The following YWHAQ variants were observed in gnomAD, a reference collection of about 807,000 sequenced individuals.
YWHAQ encodes 14-3-3 protein theta.
A neutral mutation model predicts 28.3 loss-of-function variants in YWHAQ; 6 were observed. The ratio of observed to expected loss-of-function variants is 0.21; its 90% CI spans 0.12 to 0.42. The LOEUF is 0.42. YWHAQ is among the 10% of genes least tolerant of loss of function. The pLI is 1.00. For synonymous variants in YWHAQ, 143 were observed against 119.1 expected (o/e 1.20, Z -1.31); for missense variants, 201 against 305.6 (o/e 0.66, Z 2.55).
chr2:9,585,448 A>G lies in YWHAQ; in HGVS notation c.679-103T>C, dbSNP rs548374954. ...TAACTACAAGAGTAGTAAATTCCTC[A>G]AACAATGGAGATCTTGACTAAGACT... On this transcript the variant is annotated intron_variant, in intron 5 of 5. Transcript: ENST00000238081. 1.3e-5 allele frequency: 17 copies of G among 1,289,752 alleles called. No homozygotes were observed. The East Asian group carries it at 2.9e-4, about 22-fold the overall frequency. 79.9% of individuals were successfully genotyped at this position (1,289,752 alleles called of 1,614,324 possible).
Position 9,623,599 on chromosome 2 carries a change from C to A in YWHAQ, c.294+6560G>T, listed in dbSNP as rs1667187735. Among the ~76,000 whole-genome samples, 8 of 152,062 alleles carry A rather than the reference C, an allele frequency of 5.3e-5. 1 individual carries two copies. In the South Asian group the frequency reaches 1.7e-3, roughly 32 times the overall value. On this transcript the variant is annotated intron_variant, in intron 2 of 5. Coordinates refer to ENST00000238081, the MANE Select transcript of YWHAQ (RefSeq NM_006826.4). Reference sequence around the variant, plus strand: ...GACCAACCTGACCAACACGGAGAAACCTCGTCTCTACTAAAAATACAAAAT... The same window carrying A: ...GACCAACCTGACCAACACGGAGAAAACTCGTCTCTACTAAAAATACAAAAT...
chr2:9,613,325 C>G (rs1048150701), intron 2 of YWHAQ, among the ~76,000 whole-genome samples: 1 of 151,990 alleles, frequency 6.6e-6, no homozygotes, highest in Non-Finnish European at 1.5e-5. Flanking sequence ...GGCATAAAAC[C>G]CAACATTAAC....
chr2:9,594,325 C>A (rs575466904), intron 2 of YWHAQ, among the ~76,000 whole-genome samples: 1 of 152,156 alleles, frequency 6.6e-6, no homozygotes, highest in South Asian at 2.1e-4. Flanking sequence ...TAACTTTTTC[C>A]TCTATTACCA....
In YWHAQ at chr2:9,630,997, T is replaced by C. The variant is rs1439202888; in HGVS notation, c.-139A>G. 1.3e-5 allele frequency: 2 copies of C among 152,756 alleles called. No individual in the cohort carries two copies. The highest frequency in any genetic ancestry group is 2.4e-5 in the African/African-American group (1 of 41,458). 9.5% of individuals were successfully genotyped at this position (152,756 alleles called of 1,614,324 possible). A position where few individuals can be genotyped will look rare whatever the true frequency, so the allele number is the denominator to read the frequency against. On this transcript the variant is annotated 5_prime_UTR_variant, in exon 1 of 6. Transcript: ENST00000238081. The surrounding 1 kb of genome is among the most constrained non-coding windows in gnomAD (Gnocchi z 5.6). ...CACCACTTTGATCTGCTTTTGGCTT[T>C]AGCTGAGGACCCTCCCGTGTCAGCC...
intron 2 of YWHAQ, among the ~76,000 whole-genome samples, chr2:9,627,557 G>C (rs1264746465): frequency 4.6e-5 from 7 of 152,144 alleles, no homozygotes; most frequent in Admixed American, 4.6e-4. Flanking sequence ...TACATGTACA[G>C]TGGTGCTGAC....
intron 3 of YWHAQ, among the ~76,000 whole-genome samples, chr2:9,589,653 C>A: frequency 6.6e-6 from 1 of 152,152 alleles, no homozygotes; most frequent in East Asian, 1.9e-4. Context: ...TTACAAAGAT[C>A]ATCAACACCA....
rs139226999 is a variant in YWHAQ, at chr2:9,620,108, C to T, written c.294+10051G>A. 7.6e-4 allele frequency among the ~76,000 whole-genome samples: 115 copies of T among 152,284 alleles called. 1 individual carries two copies. The highest frequency in any genetic ancestry group is 1.5e-3 in the African/African-American group (61 of 41,566). On this transcript the variant is annotated intron_variant, in intron 2 of 5. Coordinates refer to ENST00000238081, the MANE Select transcript of YWHAQ (RefSeq NM_006826.4). ...ATTTCCTCCAATCACCGCGACATGA[C>T]GTTCACAATCTATGACCATCCTTTA...
chr2:9,625,885 A>G (rs952904069), intron 2 of YWHAQ, among the ~76,000 whole-genome samples: 1 of 152,250 alleles, frequency 6.6e-6, no homozygotes, highest in Non-Finnish European at 1.5e-5. Context: ...CAACGATTCA[A>G]AAATTGATTC....
At chr2:9,619,854 C>T (rs187308554) in intron 2 of YWHAQ, among the ~76,000 whole-genome samples, 1 of 152,276 alleles carries the variant, frequency 6.6e-6, no homozygotes, top group African/African-American at 2.4e-5. Flanking sequence ...ATCAGAACAC[C>T]TAGTATAAAT....
chr2:9,630,395 C>G lies in YWHAQ; in HGVS notation c.58G>C (p.Asp20His), dbSNP rs774114759. Reference sequence around the variant, plus strand: ...GCCTTCATGCAGGTGGCCATGTCGTCGTAGCGCTCGGCCTGCTCGGCCAGC... The same window carrying G: ...GCCTTCATGCAGGTGGCCATGTCGTGGTAGCGCTCGGCCTGCTCGGCCAGC... ...AKLAEQAERYDDMATCMKAVT... is the reference protein window; with the variant it reads ...AKLAEQAERYHDMATCMKAVT... The change falls in exon 2 of 6, where the codon GAC (aspartate) becomes CAC (histidine). Residue 20 changes from aspartate to histidine, a missense_variant. By Grantham distance (81) the Asp-to-His change is moderately conservative. Around this residue, in one of 2 missense-constraint regions of YWHAQ, gnomAD observed 162 missense variants for 213.9 expected, o/e 0.76. Transcript: ENST00000238081. This position sits in a 1 kb window ranked among gnomAD's most constrained non-coding sequence, Gnocchi z 5.6. 1 of 1,613,816 alleles carries G rather than the reference C, an allele frequency of 6.2e-7. No homozygotes were observed. The highest frequency in any genetic ancestry group is 8.5e-7 in the Non-Finnish European group (1 of 1,180,016).
intron 3 of YWHAQ, 140 bp from the exon 4 acceptor site, chr2:9,588,468 G>C: frequency 9.7e-7 from 1 of 1,034,526 alleles, no homozygotes; most frequent in Non-Finnish European, 1.4e-6. Flanking sequence ...AATCATGGTA[G>C]CTAACAAAAA....
chr2:9,619,998 G>GT (rs1211670835), intron 2 of YWHAQ, among the ~76,000 whole-genome samples: 2 of 152,190 alleles, frequency 1.3e-5, no homozygotes, highest in East Asian at 1.9e-4. Context: ...AACAACAGCA[G>GT]TAAGAGTTAT....
At chr2:9,591,813 C>T (rs1448445102) in intron 2 of YWHAQ, among the ~76,000 whole-genome samples, 4 of 152,234 alleles carry the variant, frequency 2.6e-5, no homozygotes, top group Admixed American at 1.3e-4. Context: ...ATTCATTCAA[C>T]ATTTACTCAT....
At chr2:9,617,073 G>A (rs928598587) in intron 2 of YWHAQ, among the ~76,000 whole-genome samples, 2 of 151,796 alleles carry the variant, frequency 1.3e-5, no homozygotes, top group Admixed American at 1.3e-4. Flanking sequence ...CCATTCTCCT[G>A]CCTCAGCCTC....
chr2:9,630,495 G>C lies in YWHAQ; in HGVS notation c.-43C>G, dbSNP rs751552379. ...GGCCGGGGCGGAGGGCGAGGAGAGC[G>C]AGGGCGAGCGCCGACCCGCAGCGGG... On this transcript the variant is annotated 5_prime_UTR_variant, in exon 2 of 6. Transcript: ENST00000238081. This position sits in a 1 kb window ranked among gnomAD's most constrained non-coding sequence, Gnocchi z 5.6. 14 of 1,513,614 alleles carry C rather than the reference G, an allele frequency of 9.2e-6. No homozygotes were observed. The East Asian group carries it at 9.3e-5, about 10-fold the overall frequency. The allele number at this position is 1,513,614 out of a possible 1,614,324, so 93.8% of individuals were successfully genotyped here. A position where few individuals can be genotyped will look rare whatever the true frequency, so the allele number is the denominator to read the frequency against.
intron 4 of YWHAQ, 103 bp downstream of exon 4, chr2:9,588,062 A>G (rs1572985079): frequency 8.9e-6 from 12 of 1,342,986 alleles, no homozygotes; most frequent in Non-Finnish European, 1.2e-5. Context: ...TAAATATAGT[A>G]GAAATCATCC....
In YWHAQ at chr2:9,620,206, C is replaced by T. The variant is rs144059467; in HGVS notation, c.294+9953G>A. 7.6e-3 allele frequency among the ~76,000 whole-genome samples: 1,153 copies of T among 152,280 alleles called. 11 individuals are homozygous for T. The highest frequency in any genetic ancestry group is 0.014 in the Middle Eastern group (4 of 294). Reference sequence around the variant, plus strand: ...CTTGCACCATTATTTTTCCATTTCTCTAAGTAAAGCCTGTAGCAAAGGTAC... The same window carrying T: ...CTTGCACCATTATTTTTCCATTTCTTTAAGTAAAGCCTGTAGCAAAGGTAC... On this transcript the variant is annotated intron_variant, in intron 2 of 5. Transcript: ENST00000238081.
At position 9,588,261 on chromosome 2, in the gene YWHAQ, G is replaced by C; in HGVS notation, c.486C>G (p.Pro162=). The change falls in exon 4 of 6, where the codon CCC becomes CCG. Residue 162 remains proline, a synonymous_variant. Transcript: ENST00000238081. ...AFDISKKEMQ[P]THPIRLGLAL... ...CAAGCCCCAGGCGGATTGGGTGTGT[G>C]GGTTGCATCTCTTTCTTGCTTATAT... The C allele has an allele frequency of 6.2e-7, 1 of 1,609,628 alleles. No individual in the cohort carries two copies. The highest frequency in any genetic ancestry group is 8.5e-7 in the Non-Finnish European group (1 of 1,178,936).
At chr2:9,617,306 A>G (rs1470565126) in intron 2 of YWHAQ, among the ~76,000 whole-genome samples, 1 of 152,168 alleles carries the variant, frequency 6.6e-6, no homozygotes, top group East Asian at 1.9e-4. Flanking sequence ...TTCAGCCACA[A>G]AAAGAAGCAC....
Sources: gnomAD v4.1 joint callset for allele counts (sites outside exome capture counted in the v4.1 genomes callset) on GRCh38, gnomAD v4.1.1 for gene constraint, gnomAD v4.1.1 regional missense constraint, Gnocchi (gnomAD v3.1) non-coding constraint, MANE v1.5 for transcripts, NCBI Gene and HGNC (gene_info 2026-07-23, HGNC 2026-07-21) for gene names.